MID1: variants seen among roughly 807,000 people sequenced by gnomAD.
MID1 encodes E3 ubiquitin-protein ligase Midline-1.
MID1 carries 7 observed loss-of-function variants against 40.4 expected under a neutral mutation model. The ratio of observed to expected loss-of-function variants is 0.17; its 90% CI spans 0.10 to 0.33. The LOEUF (loss-of-function observed/expected upper bound fraction) is 0.33, where lower values mean the gene tolerates loss of function less well. MID1 is among the 10% of genes least tolerant of loss of function. The pLI, the probability that MID1 is intolerant of heterozygous loss-of-function variation, is 1.00. For synonymous variants in MID1, 229 were observed against 221.2 expected, an observed-to-expected ratio of 1.04 and a Z score of -0.31; for missense variants, 367 against 558.5, an observed-to-expected ratio of 0.66 and a Z score of 3.46.
Position 10,738,960 on chromosome X carries a change from A to AG in MID1, c.-187+94593_-187+94594insC, listed in dbSNP as rs1555919629. Reference sequence around the variant, plus strand: ...TTTTCTACTAAAGGCAAAAAAAAAAAAAAGAAAGAAAGAAAGAAAGAAAAA... The same window carrying AG: ...TTTTCTACTAAAGGCAAAAAAAAAAAGAAAGAAAGAAAGAAAGAAAGAAAAA... On this transcript the variant is annotated intron_variant, in intron 1 of 10. Transcript: ENST00000380785. Among the ~76,000 whole-genome samples, 414 of 110,025 alleles carry AG rather than the reference A, an allele frequency of 3.8e-3. 4 individuals carry two copies. The highest frequency in any genetic ancestry group is 0.013 in the African/African-American group (388 of 30,375).
chrX:10,561,950 G>C (rs147904530), intron 2 of MID1, among the ~76,000 whole-genome samples: 2,106 of 107,097 alleles, frequency 0.02, 278 homozygotes, highest in African/African-American at 0.066. Flanking sequence ...ATTTACAATA[G>C]CAAAGACTTG....
chrX:10,631,260 T>C (rs1936049465), intron 1 of MID1, among the ~76,000 whole-genome samples: 1 of 109,840 alleles, frequency 9.1e-6, no homozygotes, highest in Non-Finnish European at 1.9e-5. Flanking sequence ...TTGTGAGAAT[T>C]GAGGTGATTT....
intron 3 of MID1, among the ~76,000 whole-genome samples, chrX:10,510,171 A>G (rs927424032): frequency 7.1e-5 from 8 of 112,309 alleles, no homozygotes; most frequent in Non-Finnish European, 1.5e-4. Flanking sequence ...CTGTCTATAC[A>G]TTAGCTGATT....
chrX:10,468,608 T>C (rs1039658019), intron 7 of MID1, among the ~76,000 whole-genome samples: 1 of 112,196 alleles, frequency 8.9e-6, no homozygotes, highest in African/African-American at 3.2e-5. Flanking sequence ...TTCTGGTCCA[T>C]TGCCATTTGC....
rs1017448852 is a variant in MID1 at position 10,629,197 on chromosome X, T to C, written c.-186-8778A>G. Among the ~76,000 whole-genome samples, 4 of 109,748 alleles carry C rather than the reference T, an allele frequency of 3.6e-5. No homozygotes were observed. In the East Asian group the frequency reaches 1.1e-3, roughly 31 times the overall value. On this transcript the variant is annotated intron_variant, in intron 1 of 10. Transcript: ENST00000380785. ...TACATTTGGAAGCAAACTGAAGCAC[T>C]TTAATGATTTTTTTTTTTTTTAGAC...
intron 1 of MID1, among the ~76,000 whole-genome samples, chrX:10,590,690 G>A (rs781367787): frequency 2.7e-5 from 3 of 112,325 alleles, no homozygotes; most frequent in Non-Finnish European, 3.8e-5. Flanking sequence ...TATTCTCAAG[G>A]CAGGCTAAAG....
intron 2 of MID1, among the ~76,000 whole-genome samples, chrX:10,540,984 T>C (rs1450928340): frequency 8.9e-6 from 1 of 112,288 alleles, no homozygotes; most frequent in Admixed American, 9.4e-5. Flanking sequence ...CAGAGTGCTC[T>C]CAAATTTCAG....
chrX:10,720,334 A>G (rs1358325684), intron 1 of MID1, among the ~76,000 whole-genome samples: 1 of 111,894 alleles, frequency 8.9e-6, no homozygotes, highest in Non-Finnish European at 1.9e-5. Flanking sequence ...TCTACAATGA[A>G]CTCAAACAAA....
At chrX:10,596,696 G>A (rs1301619850) in intron 1 of MID1, among the ~76,000 whole-genome samples, 3 of 111,493 alleles carry the variant, frequency 2.7e-5, no homozygotes, top group Non-Finnish European at 5.6e-5. Flanking sequence ...ATTTTGCTAA[G>A]ATTAGAGACA....
chrX:10,732,035 G>A (rs1219517455), intron 1 of MID1, among the ~76,000 whole-genome samples: 1 of 104,981 alleles, frequency 9.5e-6, no homozygotes, highest in African/African-American at 3.5e-5. Flanking sequence ...CTGTAAATTA[G>A]GAATTGAAGG....
intron 3 of MID1, among the ~76,000 whole-genome samples, chrX:10,512,243 T>A (rs1185357299): frequency 6.2e-5 from 7 of 112,530 alleles, no homozygotes. Flanking sequence ...GATGTACACT[T>A]GCTGAGCCTT....
chrX:10,717,115 G>T (rs1416738910), intron 1 of MID1, among the ~76,000 whole-genome samples: 1 of 111,795 alleles, frequency 8.9e-6, no homozygotes, highest in Non-Finnish European at 1.9e-5. Flanking sequence ...GACCATCAAG[G>T]CTAGGAAGAA....
At chrX:10,550,474 C>T (rs1338051378) in intron 2 of MID1, among the ~76,000 whole-genome samples, 3 of 111,795 alleles carry the variant, frequency 2.7e-5, no homozygotes, top group Non-Finnish European at 5.6e-5. Flanking sequence ...GAGAGAAGCC[C>T]GCTGTGCAAA....
intron 1 of MID1, among the ~76,000 whole-genome samples, chrX:10,678,319 C>G (rs144694295): frequency 0.01 from 1,151 of 111,569 alleles, 11 homozygotes; most frequent in African/African-American, 0.036. Flanking sequence ...CTCAGTTGTT[C>G]TCTGTACCAG....
intron 1 of MID1, among the ~76,000 whole-genome samples, chrX:10,608,408 A>G (rs950044959): frequency 8.0e-5 from 9 of 112,270 alleles, no homozygotes; most frequent in Non-Finnish European, 1.1e-4. Flanking sequence ...AGCAATAAAA[A>G]GGAAAAAACG....
intron 1 of MID1, among the ~76,000 whole-genome samples, chrX:10,812,142 A>G (rs2044106721): frequency 8.9e-6 from 1 of 111,890 alleles, no homozygotes; most frequent in Admixed American, 9.5e-5. Context: ...TAAAGTGCTG[A>G]ATAGATTTGG....
intron 1 of MID1, among the ~76,000 whole-genome samples, chrX:10,796,671 G>A (rs773148196): frequency 1.8e-5 from 2 of 110,272 alleles, no homozygotes; most frequent in African/African-American, 3.3e-5. Context: ...TGCTTCATCC[G>A]AGATGGTAGG....
chrX:10,497,558 A>T (rs1266666639), intron 3 of MID1, among the ~76,000 whole-genome samples: 1 of 111,695 alleles, frequency 9.0e-6, no homozygotes, highest in African/African-American at 3.3e-5. Context: ...TCCTCTTAGT[A>T]ATTTTCCATC....
At chrX:10,832,374 C>A (rs1029659624) in intron 1 of MID1, among the ~76,000 whole-genome samples, 4 of 112,356 alleles carry the variant, frequency 3.6e-5, no homozygotes, top group African/African-American at 1.3e-4. Flanking sequence ...AAAACGTGGT[C>A]ATTTTCTCAA....
Sources: allele counts gnomAD v4.1 joint callset (sites outside exome capture counted in the v4.1 genomes callset), GRCh38; gene constraint gnomAD v4.1.1; transcripts MANE v1.5; gene names NCBI Gene and HGNC (gene_info 2026-07-23, HGNC 2026-07-21).